EMC1: variants seen among roughly 807,000 people sequenced by gnomAD.
EMC1 encodes the protein KIAA0090.
Under a neutral mutation model 128.8 loss-of-function variants are expected in EMC1, and 103 were observed. The ratio of observed to expected loss-of-function variants is 0.80; its 90% CI spans 0.68 to 0.94. The LOEUF (loss-of-function observed/expected upper bound fraction) is 0.94, where lower values mean the gene tolerates loss of function less well. Ranked by LOEUF, EMC1 falls within the 40% of genes least tolerant of loss-of-function variation. EMC1 has a pLI of 0.00. For missense variants in EMC1, 1,083 were observed against 1,250.6 expected, an observed-to-expected ratio of 0.87 and a Z score of 2.02; for synonymous variants, 442 against 490.4, an observed-to-expected ratio of 0.90 and a Z score of 1.30.
intron 1 of EMC1, among the ~76,000 whole-genome samples, chr1:19,245,907 G>T (rs543060353): frequency 5.3e-5 from 8 of 151,820 alleles, no homozygotes; most frequent in Admixed American, 3.3e-4. Flanking sequence ...GATTACAGGC[G>T]TGAGTCACCA....
rs745499462 is a variant in EMC1, at chr1:19,219,357, G to T, written c.2928C>A (p.Thr976=). The change falls in exon 23 of 23, where the codon ACC becomes ACA. Residue 976 remains threonine (T), a synonymous_variant. Coordinates refer to ENST00000477853, the MANE Select transcript of EMC1 (RefSeq NM_015047.3). The stretch of plus-strand genomic sequence containing the variant: ...CCTGTGCCAGTCTCTTAGTGATCAT[G>T]GTGGCAAAAACCAGGCCAAAGAGGA... ...SSVLFGLVFA[T]MITKRLAQVK... 6 of 1,614,070 alleles carry T rather than the reference G, an allele frequency of 3.7e-6. No individual in the cohort carries two copies. In the Admixed American group the frequency reaches 8.3e-5, roughly 22 times the overall value.
rs749957590 is a variant in EMC1, at chr1:19,251,505, G to A, written c.5C>T (p.Ala2Val). The A allele has an allele frequency of 2.3e-5, 37 of 1,613,982 alleles. No individual in the cohort carries two copies. In the East Asian group the frequency reaches 7.6e-4, roughly 33 times the overall value. The change falls in exon 1 of 23, where the codon GCG becomes GTG. Residue 2 changes from alanine to valine, a missense_variant. Ala to Val is a moderately conservative substitution (Grantham distance 64). Around this residue, in one of 3 missense-constraint regions of EMC1, gnomAD observed 544 missense variants for 572.4 expected, o/e 0.95. Transcript: ENST00000477853. M[A>V]AEWASRFWLW... ...CCAGAAACGAGAAGCCCACTCAGCC[G>A]CCATGATGCGAGCGCATGCACCACC...
intron 17 of EMC1, among the ~76,000 whole-genome samples, chr1:19,230,053 G>A (rs1298320817): frequency 6.6e-6 from 1 of 152,208 alleles, no homozygotes; most frequent in Non-Finnish European, 1.5e-5. Flanking sequence ...GAACTTCAGA[G>A]CTGGACTTCA....
Position 19,227,450 on chromosome 1 carries a change from C to G in EMC1, c.2065G>C (p.Asp689His). 3.1e-6 allele frequency: 5 copies of G among 1,614,132 alleles called. No homozygotes were observed. The highest frequency in any genetic ancestry group is 4.2e-6 in the Non-Finnish European group (5 of 1,180,020). The change falls in exon 18 of 23, where the codon GAT (aspartate) becomes CAT (histidine). Residue 689 changes from aspartate (D) to histidine (H), a missense_variant and splice_region_variant. Asp to His is a moderately conservative substitution (Grantham distance 81). Around this residue, in one of 3 missense-constraint regions of EMC1, gnomAD observed 527 missense variants for 644.1 expected, o/e 0.82. Transcript: ENST00000477853. ...TCCCAACTCAGCTCAGTGGTGAGAT[C>G]CTAGGGCAGGGGCAAAAAAGCCTGT... ...GRLCGYRLRK[D>H]LTTELSWELT...
chr1:19,237,950 C>A, intron 11 of EMC1, 67 bp downstream of exon 11: 1 of 1,574,616 alleles, frequency 6.4e-7, no homozygotes, highest in Non-Finnish European at 8.6e-7. Flanking sequence ...AAGACCTGGC[C>A]CTGAGGAAAG....
rs578255584 is a variant in EMC1 at position 19,228,563 on chromosome 1, G to A, written c.2065-1113C>T. ...AGCTGGTGCTATTCTGTTTCCTGAAGTGGTCACCAGGTACACAAGTGTATT... is the reference window on the plus strand; with the variant it reads ...AGCTGGTGCTATTCTGTTTCCTGAAATGGTCACCAGGTACACAAGTGTATT... On this transcript the variant is annotated intron_variant, in intron 17 of 22. Transcript: ENST00000477853. Among the ~76,000 whole-genome samples the A allele has an allele frequency of 2.6e-5, 4 of 152,266 alleles. No individual in the cohort carries two copies. The South Asian group carries it at 8.3e-4, about 32-fold the overall frequency.
Position 19,222,655 on chromosome 1 carries a change from G to A in EMC1, c.2556C>T (p.Thr852=), listed in dbSNP as rs202010227. The change falls in exon 20 of 23, where the codon ACC becomes ACT. Residue 852 remains threonine, a synonymous_variant. Coordinates refer to ENST00000477853, the MANE Select transcript of EMC1 (RefSeq NM_015047.3). The part of the protein sequence containing the change: ...SSISAMEATI[T]ERGITSRHLL... ...GGTGTCGGCTGGTGATGCCCCGTTCGGTGATGGTGGCCTCCATGGCACTGA... is the reference window on the plus strand; with the variant it reads ...GGTGTCGGCTGGTGATGCCCCGTTCAGTGATGGTGGCCTCCATGGCACTGA... 9.0e-5 allele frequency: 145 copies of A among 1,614,040 alleles called. No individual in the cohort carries two copies. Among genetic ancestry groups the A allele is most frequent in the South Asian group, 2.3e-4 (21 of 91,066 alleles).
intron 13 of EMC1, among the ~76,000 whole-genome samples, chr1:19,233,655 CTT>C (rs2093541281): frequency 6.6e-6 from 1 of 152,230 alleles, no homozygotes; most frequent in Non-Finnish European, 1.5e-5. Context: ...ATCATTCACT[CTT>C]TCCCTGATTC....
chr1:19,235,981 C>G (rs1234909405), intron 12 of EMC1, among the ~76,000 whole-genome samples: 1 of 152,174 alleles, frequency 6.6e-6, no homozygotes, highest in Non-Finnish European at 1.5e-5. Flanking sequence ...TTACTACAAG[C>G]TCTTGCATAA....
Position 19,251,506 on chromosome 1 carries a change from C to G in EMC1, c.4G>C (p.Ala2Pro). Residue 2 changes from alanine to proline, a missense_variant, in exon 1 of 23, where the codon GCG becomes CCG. By Grantham distance (27) the Ala-to-Pro change is conservative. Coordinates refer to ENST00000477853, the MANE Select transcript of EMC1 (RefSeq NM_015047.3). M[A>P]AEWASRFWLW... ...CAGAAACGAGAAGCCCACTCAGCCGCCATGATGCGAGCGCATGCACCACCC... is the reference window on the plus strand; with the variant it reads ...CAGAAACGAGAAGCCCACTCAGCCGGCATGATGCGAGCGCATGCACCACCC... 2 of 1,614,118 alleles carry G rather than the reference C, an allele frequency of 1.2e-6. No homozygotes were observed. Among genetic ancestry groups the G allele is most frequent in the Non-Finnish European group, 1.7e-6 (2 of 1,180,008 alleles).
rs368090364 is a variant in EMC1, at chr1:19,240,027, G to A, written c.787-42C>T. 488 of 1,571,106 alleles carry A rather than the reference G, an allele frequency of 3.1e-4. 1 individual carries two copies. Among genetic ancestry groups the A allele is most frequent in the Non-Finnish European group, 4.0e-4 (462 of 1,152,858 alleles). On this transcript the variant is annotated intron_variant, in intron 7 of 22. Coordinates refer to ENST00000477853, the MANE Select transcript of EMC1 (RefSeq NM_015047.3). ...AGGAGGATTATGGCTAACAGCTGAC[G>A]ACTCCCTGACCCATCCCAGGCTCAC...
chr1:19,226,261 T>C (rs976129744), intron 18 of EMC1, among the ~76,000 whole-genome samples: 6 of 152,126 alleles, frequency 3.9e-5, no homozygotes, highest in African/African-American at 1.4e-4. Flanking sequence ...ATCACAGAGA[T>C]GGAGTTTCTG....
At chr1:19,233,947 A>G (rs1390106189) in intron 13 of EMC1, among the ~76,000 whole-genome samples, 1 of 152,182 alleles carries the variant, frequency 6.6e-6, no homozygotes, top group Non-Finnish European at 1.5e-5. Context: ...GTACATGGTA[A>G]TAACTCACTA....
chr1:19,234,138 G>A, intron 13 of EMC1: 2 of 980,534 alleles, frequency 2.0e-6, no homozygotes, highest in African/African-American at 3.5e-5. Flanking sequence ...CTAGCCATGT[G>A]AGCAGGCAAC....
chr1:19,222,689 G>T lies in EMC1; in HGVS notation c.2522C>A (p.Pro841Gln), dbSNP rs774856592. The change falls in exon 20 of 23, where the codon CCG becomes CAG. Residue 841 changes from proline to glutamine, a missense_variant. Pro to Gln is a moderately conservative substitution (Grantham distance 76). This residue lies in a region of EMC1 where 527 missense variants were observed against 644.1 expected (regional missense o/e 0.82). Coordinates refer to ENST00000477853, the MANE Select transcript of EMC1 (RefSeq NM_015047.3). ...PQVLQQSYIF[P>Q]SSISAMEATI... ...GGCCTCCATGGCACTGATGGAGGACGGGAAGATATAGGACTGCTGGAGGAC... is the reference window on the plus strand; with the variant it reads ...GGCCTCCATGGCACTGATGGAGGACTGGAAGATATAGGACTGCTGGAGGAC... The T allele has an allele frequency of 6.2e-7, 1 of 1,614,152 alleles. No individual in the cohort carries two copies. Among genetic ancestry groups the T allele is most frequent in the East Asian group, 2.2e-5 (1 of 44,872 alleles).
rs1390645860 is a variant in EMC1 at position 19,237,241 on chromosome 1, A to G, written c.1213-3T>C. 6 of 1,611,278 alleles carry G rather than the reference A, an allele frequency of 3.7e-6. No individual in the cohort carries two copies. The highest frequency in any genetic ancestry group is 2.7e-5 in the African/African-American group (2 of 74,980). On this transcript the variant is annotated splice_region_variant and splice_polypyrimidine_tract_variant and intron_variant, in intron 11 of 22. Coordinates refer to ENST00000477853, the MANE Select transcript of EMC1 (RefSeq NM_015047.3). Reference sequence around the variant, plus strand: ...TTCAAGAACACCTGGATATACAGCTATAAGCCACAGTCAAGACCGGTGTAG... The same window carrying G: ...TTCAAGAACACCTGGATATACAGCTGTAAGCCACAGTCAAGACCGGTGTAG...
Position 19,240,575 on chromosome 1 carries a change from T to C in EMC1, c.637-129A>G, listed in dbSNP as rs150091862. On this transcript the variant is annotated intron_variant, in intron 6 of 22. Coordinates refer to ENST00000477853, the MANE Select transcript of EMC1 (RefSeq NM_015047.3). ...CTCAAAGGTTCTTCATGGTTGGTTG[T>C]ATAGGAGTTCTTCCTGTCCCCTGAA... The C allele has an allele frequency of 5.6e-4, 579 of 1,030,500 alleles. 4 individuals carry two copies. In the African/African-American group the frequency reaches 8.1e-3, roughly 14 times the overall value. The allele number at this position is 1,030,500 out of a possible 1,614,324, so 63.8% of individuals were successfully genotyped here.
intron 18 of EMC1, among the ~76,000 whole-genome samples, chr1:19,226,880 A>T (rs1468641534): frequency 6.6e-6 from 1 of 152,022 alleles, no homozygotes; most frequent in African/African-American, 2.4e-5. Context: ...AGCCGTTTTT[A>T]AAAAATTAGC....
chr1:19,242,815 G>A (rs2093614167), intron 4 of EMC1, among the ~76,000 whole-genome samples: 1 of 152,204 alleles, frequency 6.6e-6, no homozygotes, highest in Non-Finnish European at 1.5e-5. Context: ...CCAATGGACA[G>A]CGGAATCCTC....
Sources: gnomAD v4.1 joint callset for allele counts (sites outside exome capture counted in the v4.1 genomes callset) on GRCh38, gnomAD v4.1.1 for gene constraint, gnomAD v4.1.1 regional missense constraint, MANE v1.5 for transcripts, NCBI Gene and HGNC (gene_info 2026-07-23, HGNC 2026-07-21) for gene names.